Variants in TJP1 observed in about 807,000 individuals in gnomAD.
TJP1 encodes the protein tight junction protein 1.
TJP1 carries 43 observed loss-of-function variants against 194.2 expected under a neutral mutation model. The ratio of observed to expected loss-of-function variants is 0.22; its 90% CI spans 0.17 to 0.29. The LOEUF is 0.29. TJP1 is among the 10% of genes least tolerant of loss of function. The pLI is 1.00. For synonymous variants in TJP1, 801 were observed against 779.0 expected (o/e 1.03, Z -0.47); for missense variants, 1,971 against 2,185.7 (o/e 0.90, Z 1.96).
intron 1 of TJP1, among the ~76,000 whole-genome samples, chr15:29,814,738 C>A (rs1465774247): frequency 6.6e-6 from 1 of 152,186 alleles, no homozygotes; most frequent in East Asian, 1.9e-4. Flanking sequence ...ATATCAGCTT[C>A]TGTTTTACCT....
intron 22 of TJP1, 77 bp downstream of exon 22, chr15:29,717,944 T>TA (rs777079234): frequency 3.0e-5 from 38 of 1,267,774 alleles, no homozygotes; most frequent in Non-Finnish European, 4.2e-5. Context: ...ACTAACACAG[T>TA]AAAAGGTTTT....
intron 8 of TJP1, among the ~76,000 whole-genome samples, chr15:29,753,559 TAGTA>T (rs2045436930): frequency 6.6e-6 from 1 of 150,626 alleles, no homozygotes; most frequent in South Asian, 2.1e-4. Flanking sequence ...TATGTGACAT[TAGTA>T]AGTATTTGGC....
chr15:29,854,397 T>C (rs2051764418), intron 2 of TJP1, among the ~76,000 whole-genome samples: 1 of 152,106 alleles, frequency 6.6e-6, no homozygotes, highest in African/African-American at 2.4e-5. Context: ...ATTATCCAGA[T>C]GGGCCCTATG....
chr15:29,811,920 C>A (rs910074094), intron 1 of TJP1, among the ~76,000 whole-genome samples: 1 of 152,166 alleles, frequency 6.6e-6, no homozygotes, highest in African/African-American at 2.4e-5. Flanking sequence ...CAACCTTTGT[C>A]CATAAATAAA....
At chr15:29,833,391 T>C (rs1362776582) in intron 2 of TJP1, among the ~76,000 whole-genome samples, 5 of 152,126 alleles carry the variant, frequency 3.3e-5, no homozygotes, top group African/African-American at 4.8e-5. Flanking sequence ...AGCTATTTAA[T>C]TGGAAAATTT....
intron 2 of TJP1, among the ~76,000 whole-genome samples, chr15:29,839,461 G>C (rs1232602078): frequency 6.6e-6 from 1 of 152,102 alleles, no homozygotes; most frequent in African/African-American, 2.4e-5. Context: ...GGGCAACATA[G>C]TGAGACCTCA....
chr15:29,754,682 C>T (rs2045527806), intron 8 of TJP1, among the ~76,000 whole-genome samples: 1 of 152,158 alleles, frequency 6.6e-6, no homozygotes, highest in Non-Finnish European at 1.5e-5. Flanking sequence ...GGGACCAGAA[C>T]TGTTTTGGAT....
chr15:29,809,428 A>T (rs1273402439), intron 1 of TJP1, among the ~76,000 whole-genome samples: 3 of 152,230 alleles, frequency 2.0e-5, no homozygotes, highest in African/African-American at 7.2e-5. Context: ...CAACCAATAA[A>T]GCTGCAAGGG....
At chr15:29,945,163 G>A (rs903873552) in intron 2 of TJP1, among the ~76,000 whole-genome samples, 5 of 152,128 alleles carry the variant, frequency 3.3e-5, no homozygotes, top group East Asian at 1.9e-4. Flanking sequence ...ATATGGTCAC[G>A]GAGACAAGGG....
rs1350403253 is a variant in TJP1 at position 29,822,446 on chromosome 15, G to A, written c.-418C>T. On this transcript the variant is annotated 5_prime_UTR_variant, in exon 1 of 28. Coordinates refer to ENST00000614355, the MANE Select transcript of TJP1 (RefSeq NM_001330239.4). ...GAACGCGGCGTCCGCTGGCTCAGCC[G>A]GCGCCGGCAACTCAGCGGCCACGCA... 3 of 987,046 alleles carry A rather than the reference G, an allele frequency of 3.0e-6. No homozygotes were observed. Among genetic ancestry groups the A allele is most frequent in the Non-Finnish European group, 2.4e-6 (2 of 831,172 alleles). The allele number at this position is 987,046 out of a possible 1,614,324, so 61.1% of individuals were successfully genotyped here.
At chr15:29,949,029 C>A (rs1261924393) in intron 2 of TJP1, among the ~76,000 whole-genome samples, 9 of 148,980 alleles carry the variant, frequency 6.0e-5, no homozygotes, top group African/African-American at 2.2e-4. Flanking sequence ...CCCTCACAAA[C>A]ACCCACCACC....
At chr15:29,836,512 C>A (rs1452844492) in intron 2 of TJP1, among the ~76,000 whole-genome samples, 1 of 151,872 alleles carries the variant, frequency 6.6e-6, no homozygotes, top group Non-Finnish European at 1.5e-5. Context: ...ACCTCGTGAA[C>A]CACCTGCCTC....
In TJP1 at chr15:29,706,030, C is replaced by A. The variant is rs1056133040; in HGVS notation, c.4851-285G>T. On this transcript the variant is annotated intron_variant, in intron 25 of 27. Transcript: ENST00000614355. ...CACTGCAACCTCCATCTCCCAGGTT[C>A]AAGTGATTTTTCTGCCTCAGCCTCC... 3.3e-5 allele frequency among the ~76,000 whole-genome samples: 5 copies of A among 152,182 alleles called. No homozygotes were observed. In the East Asian group the frequency reaches 9.6e-4, roughly 29 times the overall value.
chr15:29,874,619 C>A (rs1259213280), intron 2 of TJP1, among the ~76,000 whole-genome samples: 1 of 152,186 alleles, frequency 6.6e-6, no homozygotes, highest in Non-Finnish European at 1.5e-5. Context: ...GCTAGTCCCT[C>A]AAAATCCATG....
chr15:29,810,286 G>T (rs1228257586), intron 1 of TJP1, among the ~76,000 whole-genome samples: 1 of 152,146 alleles, frequency 6.6e-6, no homozygotes, highest in Non-Finnish European at 1.5e-5. Flanking sequence ...AGTAATGTGG[G>T]AATTCATTAT....
chr15:29,955,320 C>T (rs2152312905), intron 2 of TJP1, among the ~76,000 whole-genome samples: 1 of 152,140 alleles, frequency 6.6e-6, no homozygotes, highest in African/African-American at 2.4e-5. Context: ...CCTTATGATA[C>T]ACCAATTGAA....
intron 13 of TJP1, 134 bp from the exon 14 acceptor site, chr15:29,732,949 G>T: frequency 8.0e-7 from 1 of 1,248,236 alleles, no homozygotes. Context: ...ATAATAAAGA[G>T]GAGTTTGTAA....
intron 2 of TJP1, among the ~76,000 whole-genome samples, chr15:29,948,217 G>A (rs1385903769): frequency 2.7e-5 from 4 of 148,866 alleles, no homozygotes; most frequent in Non-Finnish European, 1.5e-5. Flanking sequence ...AGGCGAGATC[G>A]TGCCATCACA....
At chr15:29,749,827 C>G (rs1213406843) in intron 8 of TJP1, among the ~76,000 whole-genome samples, 1 of 152,082 alleles carries the variant, frequency 6.6e-6, no homozygotes, top group Non-Finnish European at 1.5e-5. Context: ...AGTAGCTGCT[C>G]CTTCTATCTG....
Sources: allele counts gnomAD v4.1 joint callset (sites outside exome capture counted in the v4.1 genomes callset), GRCh38; gene constraint gnomAD v4.1.1; transcripts MANE v1.5; gene names NCBI Gene and HGNC (gene_info 2026-07-23, HGNC 2026-07-21).